Variants in SLC38A9 observed in about 807,000 individuals in gnomAD.
The protein encoded by SLC38A9 is solute carrier family 38 member 9.
In SLC38A9, 48 loss-of-function variants were observed where a neutral mutation model predicts 62.3. The ratio of observed to expected loss-of-function variants is 0.77; its 90% CI spans 0.61 to 0.98. The LOEUF is 0.98. SLC38A9 is among the 50% of genes least tolerant of loss of function. The pLI is 0.00. For synonymous variants in SLC38A9, 204 were observed against 227.7 expected (o/e 0.90, Z 0.94); for missense variants, 541 against 679.8 (o/e 0.80, Z 2.27).
rs528103548 is a variant in SLC38A9 at position 55,671,804 on chromosome 5, C to T, written c.246+759G>A. 3.8e-4 allele frequency among the ~76,000 whole-genome samples: 58 copies of T among 151,986 alleles called. 1 individual carries two copies. The South Asian group carries it at 0.011, about 28-fold the overall frequency. On this transcript the variant is annotated intron_variant, in intron 4 of 15. Transcript: ENST00000396865. The stretch of plus-strand genomic sequence containing the variant: ...CAGAGGTTGTGGTGAGCCGAGATTG[C>T]GCCACTGCACTCCAGCCTGGGTGAT...
At chr5:55,711,705 T>TC (rs368332472) in intron 1 of SLC38A9, among the ~76,000 whole-genome samples, 2 of 151,834 alleles carry the variant, frequency 1.3e-5, no homozygotes, top group African/African-American at 4.8e-5. Flanking sequence ...TCCCTCATGT[T>TC]CCCCCTCTAG....
intron 7 of SLC38A9, 170 bp downstream of exon 7, chr5:55,669,058 T>A (rs73113678): frequency 0.027 from 11,041 of 416,628 alleles, 190 homozygotes; most frequent in Middle Eastern, 0.047. Flanking sequence ...AAGCAGCCAC[T>A]AAATATTATT....
chr5:55,683,922 A>G (rs1021048515), intron 3 of SLC38A9, among the ~76,000 whole-genome samples: 2 of 152,198 alleles, frequency 1.3e-5, no homozygotes, highest in African/African-American at 4.8e-5. Flanking sequence ...ACTCAATGGT[A>G]GCAGATAATT....
intron 3 of SLC38A9, chr5:55,691,113 A>G: frequency 2.8e-6 from 2 of 702,944 alleles, no homozygotes; most frequent in Non-Finnish European, 5.2e-6. Context: ...CCTGTACCCC[A>G]CTTGGCTTAT....
Position 55,653,820 on chromosome 5 carries a change from G to A in SLC38A9, c.758-1097C>T, listed in dbSNP as rs572780035. On this transcript the variant is annotated intron_variant, in intron 9 of 15. Coordinates refer to ENST00000396865, the MANE Select transcript of SLC38A9 (RefSeq NM_173514.4). ...ATTACAGGCGCATGCCACCATGCCCGGCTAATTTTTGTATTTTTAGTAGAG... is the reference window on the plus strand; with the variant it reads ...ATTACAGGCGCATGCCACCATGCCCAGCTAATTTTTGTATTTTTAGTAGAG... Among the ~76,000 whole-genome samples, 11 of 152,052 alleles carry A rather than the reference G, an allele frequency of 7.2e-5. No individual in the cohort carries two copies. The East Asian group carries it at 1.2e-3, about 16-fold the overall frequency.
At chr5:55,649,834 A>G (rs1038626221) in intron 10 of SLC38A9, among the ~76,000 whole-genome samples, 2 of 151,366 alleles carry the variant, frequency 1.3e-5, no homozygotes, top group African/African-American at 4.9e-5. Context: ...AGGAAAAAAA[A>G]AAGAATAAGA....
chr5:55,711,354 C>G (rs1009755579), intron 2 of SLC38A9, 98 bp downstream of exon 2: 1 of 151,940 alleles, frequency 6.6e-6, no homozygotes, highest in African/African-American at 2.4e-5. Context: ...CAACTTACAA[C>G]TTATAGTGTG....
chr5:55,660,101 T>TGAAACCC (rs1749242945), intron 8 of SLC38A9, among the ~76,000 whole-genome samples: 1 of 147,966 alleles, frequency 6.8e-6, no homozygotes, highest in South Asian at 2.2e-4. Flanking sequence ...TTCAGCAAGT[T>TGAAACCC]TGCTAGATTA....
intron 3 of SLC38A9, among the ~76,000 whole-genome samples, chr5:55,685,721 C>A (rs965739441): frequency 2.6e-5 from 4 of 152,056 alleles, no homozygotes; most frequent in Admixed American, 2.0e-4. Context: ...CAGATTATTT[C>A]ATCACCCAGG....
chr5:55,709,590 A>G (rs1757733344), intron 2 of SLC38A9, among the ~76,000 whole-genome samples: 1 of 152,106 alleles, frequency 6.6e-6, no homozygotes, highest in Admixed American at 6.6e-5. Context: ...CCTAACCCCA[A>G]AAAGAAAAAA....
At chr5:55,707,484 T>C (rs147397616) in intron 2 of SLC38A9, among the ~76,000 whole-genome samples, 8 of 152,182 alleles carry the variant, frequency 5.3e-5, no homozygotes, top group Non-Finnish European at 1.2e-4. Context: ...TAGCCAGCAG[T>C]GGTGGCACAC....
In SLC38A9 at chr5:55,702,927, A is replaced by G. The variant is rs1756846795; in HGVS notation, c.-34-4935T>C. The G allele has an allele frequency of 3.3e-5, 5 of 152,218 alleles. No individual in the cohort carries two copies. The South Asian group carries it at 1.0e-3, about 32-fold the overall frequency. The allele number at this position is 152,218 out of a possible 1,614,324, so 9.4% of individuals were successfully genotyped here. A position where few individuals can be genotyped will look rare whatever the true frequency, so the allele number is the denominator to read the frequency against. On this transcript the variant is annotated intron_variant, in intron 2 of 15. Transcript: ENST00000396865. The stretch of plus-strand genomic sequence containing the variant: ...CAAACAAATAAAGTTAAATAAAAAT[A>G]TTAAAGTAGTACCTTACAACAGTAA...
chr5:55,630,137 G>A (rs1397384806), intron 14 of SLC38A9, among the ~76,000 whole-genome samples: 1 of 152,152 alleles, frequency 6.6e-6, no homozygotes, highest in Non-Finnish European at 1.5e-5. Flanking sequence ...ATATGAAAAA[G>A]CTATTAAAAG....
At chr5:55,656,439 C>T (rs1748436604) in intron 9 of SLC38A9, among the ~76,000 whole-genome samples, 1 of 151,516 alleles carries the variant, frequency 6.6e-6, no homozygotes, top group Middle Eastern at 3.4e-3. Flanking sequence ...TATTCACAGG[C>T]AAATATGGAT....
Position 55,669,316 on chromosome 5 carries a change from T to G in SLC38A9, c.438A>C (p.Gly146=), listed in dbSNP as rs1182972085. The change falls in exon 7 of 16, where the codon GGA becomes GGC. Residue 146 remains glycine (G), a synonymous_variant. Coordinates refer to ENST00000396865, the MANE Select transcript of SLC38A9 (RefSeq NM_173514.4). ...LSIPWGIKQA[G]FTTGMCVIIL... ...TGATGACACACATTCCAGTAGTAAA[T>G]CCAGCCTGTTTAAAAATAAAAGTAT... The G allele has an allele frequency of 1.2e-6, 2 of 1,609,636 alleles. No homozygotes were observed. The highest frequency in any genetic ancestry group is 2.7e-5 in the African/African-American group (2 of 74,724).
At chr5:55,690,453 G>C (rs1046290550) in intron 3 of SLC38A9, among the ~76,000 whole-genome samples, 21 of 152,144 alleles carry the variant, frequency 1.4e-4, no homozygotes, top group African/African-American at 5.1e-4. Context: ...AAAGAGGATG[G>C]AGAAGGGTAT....
chr5:55,642,292 G>A (rs555653247), intron 12 of SLC38A9, among the ~76,000 whole-genome samples: 3 of 152,296 alleles, frequency 2.0e-5, no homozygotes, highest in South Asian at 4.1e-4. Context: ...TGATCCGCCC[G>A]CCTCAGCTTC....
In SLC38A9 at chr5:55,629,490, T is replaced by C. The variant is rs10057638; in HGVS notation, c.1431-1510A>G. Among the ~76,000 whole-genome samples the C allele has an allele frequency of 5.5e-3, 841 of 152,340 alleles. 11 individuals carry two copies. Among genetic ancestry groups the C allele is most frequent in the African/African-American group, 0.02 (812 of 41,574 alleles). On this transcript the variant is annotated intron_variant, in intron 14 of 15. Transcript: ENST00000396865. Reference sequence around the variant, plus strand: ...CATGTTTGAATATATATCCTTTAAATATTCTATGTGATCAAATAGGAAAGT... The same window carrying C: ...CATGTTTGAATATATATCCTTTAAACATTCTATGTGATCAAATAGGAAAGT...
At chr5:55,685,212 A>G (rs1034589345) in intron 3 of SLC38A9, among the ~76,000 whole-genome samples, 1 of 152,206 alleles carries the variant, frequency 6.6e-6, no homozygotes, top group Non-Finnish European at 1.5e-5. Context: ...AGCCATCACC[A>G]TAATCCATTT....
Sources: gnomAD v4.1 joint callset for allele counts (sites outside exome capture counted in the v4.1 genomes callset) on GRCh38, gnomAD v4.1.1 for gene constraint, MANE v1.5 for transcripts, NCBI Gene and HGNC (gene_info 2026-07-23, HGNC 2026-07-21) for gene names.